Variants in PDE4D observed in about 807,000 individuals in gnomAD.
PDE4D encodes the protein 3',5'-cyclic-AMP phosphodiesterase 4D.
PDE4D carries 24 observed loss-of-function variants against 87.4 expected under a neutral mutation model. The observed-to-expected ratio is 0.27, with a 90% CI of 0.20 to 0.39. The LOEUF (loss-of-function observed/expected upper bound fraction) is 0.39, where lower values mean the gene tolerates loss of function less well. Ranked by LOEUF, PDE4D falls within the 10% of genes least tolerant of loss-of-function variation. The pLI is 1.00. For synonymous variants in PDE4D, 384 were observed against 383.2 expected, an observed-to-expected ratio of 1.00 and a Z score of -0.02; for missense variants, 714 against 1,041.0, an observed-to-expected ratio of 0.69 and a Z score of 4.32.
chr5:60,135,065 C>T (rs1035856267), intron 2 of PDE4D, among the ~76,000 whole-genome samples: 1 of 152,192 alleles, frequency 6.6e-6, no homozygotes, highest in African/African-American at 2.4e-5. Context: ...GTTTGTGTCC[C>T]TTCAAAATGT....
intron 1 of PDE4D, among the ~76,000 whole-genome samples, chr5:59,413,470 A>G (rs1273250668): frequency 6.7e-5 from 10 of 150,372 alleles, no homozygotes; most frequent in Non-Finnish European, 1.0e-4. Flanking sequence ...AAAAAAAAAA[A>G]AAAAAAAAAA....
chr5:60,244,742 T>C (rs1418376501), intron 1 of PDE4D, among the ~76,000 whole-genome samples: 2 of 151,876 alleles, frequency 1.3e-5, no homozygotes, highest in African/African-American at 4.8e-5. Context: ...AAACTGGATA[T>C]CCATATGCAA....
chr5:59,191,880 CA>C (rs1352221243), intron 3 of PDE4D, among the ~76,000 whole-genome samples: 1 of 151,954 alleles, frequency 6.6e-6, no homozygotes, highest in Non-Finnish European at 1.5e-5. Flanking sequence ...CATAAGTTTT[CA>C]ATAGTAATCA....
chr5:59,413,375 G>A (rs899916073), intron 1 of PDE4D, among the ~76,000 whole-genome samples: 9 of 149,028 alleles, frequency 6.0e-5, no homozygotes, highest in Non-Finnish European at 1.0e-4. Context: ...GGAGAATGGC[G>A]TGAACCCGGG....
chr5:60,086,252 T>A (rs1415134583), intron 2 of PDE4D, among the ~76,000 whole-genome samples: 1 of 152,202 alleles, frequency 6.6e-6, no homozygotes, highest in Non-Finnish European at 1.5e-5. Context: ...ATTGAATATA[T>A]GGAAGCTTTA....
chr5:59,157,212 G>A (rs1780377969), intron 5 of PDE4D: 3 of 671,942 alleles, frequency 4.5e-6, no homozygotes, highest in Non-Finnish European at 8.1e-6. Flanking sequence ...GCATAAAATG[G>A]TTAAAACTGA....
At chr5:59,276,122 GAAA>G (rs56153175) in intron 1 of PDE4D, 20,730 of 841,282 alleles carry the variant, frequency 0.025, 1 homozygote, top group East Asian at 0.031. Flanking sequence ...AGTGAGAAAG[GAAA>G]AAAAAAAAAA....
chr5:60,340,019 C>T (rs747817389), intron 1 of PDE4D, among the ~76,000 whole-genome samples: 1 of 152,212 alleles, frequency 6.6e-6, no homozygotes, highest in Non-Finnish European at 1.5e-5. Context: ...CCTCAATAAG[C>T]CAGATTATAA....
At chr5:59,365,979 C>T (rs1782991123) in intron 1 of PDE4D, among the ~76,000 whole-genome samples, 1 of 152,078 alleles carries the variant, frequency 6.6e-6, no homozygotes, top group Non-Finnish European at 1.5e-5. Context: ...CTTGATAGAG[C>T]ATATAAGATC....
intron 1 of PDE4D, among the ~76,000 whole-genome samples, chr5:59,717,165 T>C (rs559418402): frequency 1.6e-4 from 25 of 152,316 alleles, no homozygotes; most frequent in Non-Finnish European, 2.5e-4. Context: ...CTCCCATTAA[T>C]TGATCCCAGG....
At chr5:60,070,458 CAT>C (rs534432722) in intron 2 of PDE4D, among the ~76,000 whole-genome samples, 105 of 152,080 alleles carry the variant, frequency 6.9e-4, no homozygotes, top group African/African-American at 1.6e-3. Flanking sequence ...GAGATGATCA[CAT>C]GTTTTTATGC....
At chr5:59,357,018 C>A in intron 1 of PDE4D, 1 of 746,252 alleles carries the variant, frequency 1.3e-6, no homozygotes, top group Non-Finnish European at 1.9e-6. Flanking sequence ...TGAGGCAGGG[C>A]TGGAAGGGAT....
At chr5:60,434,519 A>G (rs995254661) in intron 1 of PDE4D, among the ~76,000 whole-genome samples, 4 of 152,178 alleles carry the variant, frequency 2.6e-5, no homozygotes, top group Non-Finnish European at 5.9e-5. Context: ...TAAAGGCAAA[A>G]GTAAGAAAGA....
intron 2 of PDE4D, among the ~76,000 whole-genome samples, chr5:60,185,062 G>T (rs1431490295): frequency 6.6e-6 from 1 of 152,012 alleles, no homozygotes; most frequent in Non-Finnish European, 1.5e-5. Flanking sequence ...CCCTGAGGAT[G>T]TTCAATTTAA....
intron 1 of PDE4D, among the ~76,000 whole-genome samples, chr5:59,724,670 C>A (rs1370665857): frequency 6.6e-6 from 1 of 152,100 alleles, no homozygotes; most frequent in African/African-American, 2.4e-5. Flanking sequence ...AACCCCCTTT[C>A]TCCCAAAGTG....
chr5:59,821,360 C>T (rs938950705), intron 1 of PDE4D, among the ~76,000 whole-genome samples: 2 of 151,992 alleles, frequency 1.3e-5, no homozygotes, highest in African/African-American at 4.8e-5. Context: ...GTTAGTGATG[C>T]CAAAAAAGGT....
intron 5 of PDE4D, among the ~76,000 whole-genome samples, chr5:59,065,107 CACACACACACACACACAT>C (rs1374598431): frequency 6.6e-4 from 77 of 116,988 alleles, no homozygotes; most frequent in African/African-American, 2.0e-3. Context: ...CACACACACA[CACACACACACACACACAT>C]ATACAATGAA....
chr5:59,303,425 T>C (rs1770660550), intron 1 of PDE4D, among the ~76,000 whole-genome samples: 1 of 152,204 alleles, frequency 6.6e-6, no homozygotes, highest in Non-Finnish European at 1.5e-5. Flanking sequence ...TTTGTTTTTA[T>C]TGCATTTGCT....
chr5:59,731,874 CTATT>C (rs1188190535), intron 1 of PDE4D, among the ~76,000 whole-genome samples: 2 of 152,126 alleles, frequency 1.3e-5, no homozygotes, highest in Admixed American at 1.3e-4. Context: ...CCTTCCTAAA[CTATT>C]CATTAATTTG....
Sources: gnomAD v4.1 joint callset for allele counts (sites outside exome capture counted in the v4.1 genomes callset) on GRCh38, gnomAD v4.1.1 for gene constraint, MANE v1.5 for transcripts, NCBI Gene and HGNC (gene_info 2026-07-23, HGNC 2026-07-21) for gene names.